PITRM1: variants seen among roughly 807,000 people sequenced by gnomAD.
PITRM1 encodes the protein pitrilysin metallopeptidase 1, also known as presequence protease, mitochondrial.
PITRM1 carries 100 observed loss-of-function variants against 129.9 expected under a neutral mutation model. The ratio of observed to expected loss-of-function variants is 0.77; its 90% confidence interval spans 0.65 to 0.91. The LOEUF is 0.91. Among genes scored for constraint, PITRM1 ranks in the 40% least tolerant of loss-of-function variants. PITRM1 has a pLI of 0.00. For synonymous variants in PITRM1, 591 were observed against 508.8 expected (o/e 1.16, Z -2.17); for missense variants, 1,471 against 1,318.3 (o/e 1.12, Z -1.79).
intron 6 of PITRM1, among the ~76,000 whole-genome samples, chr10:3,164,934 T>G (rs1298472097): frequency 6.6e-6 from 1 of 152,202 alleles, no homozygotes. Flanking sequence ...AAGTACACCG[T>G]GTACTTGGGC....
intron 22 of PITRM1, chr10:3,143,881 C>T (rs1283375498): frequency 5.6e-6 from 3 of 533,100 alleles, no homozygotes; most frequent in Non-Finnish European, 1.1e-5. Context: ...CTCTACTCCA[C>T]AAGGAACCAA....
intron 7 of PITRM1, among the ~76,000 whole-genome samples, chr10:3,162,267 C>G (rs1038166036): frequency 6.6e-6 from 1 of 152,156 alleles, no homozygotes; most frequent in Non-Finnish European, 1.5e-5. Context: ...GCAGCCGGCC[C>G]TGCCTTTTCC....
intron 1 of PITRM1, among the ~76,000 whole-genome samples, chr10:3,171,422 G>A (rs551794505): frequency 4.4e-4 from 67 of 151,724 alleles, no homozygotes; most frequent in Middle Eastern, 3.5e-3. Flanking sequence ...GCAGTTAGGG[G>A]AATCTTCAAC....
chr10:3,159,817 T>C, intron 9 of PITRM1, 31 bp downstream of exon 9: 2 of 1,318,418 alleles, frequency 1.5e-6, no homozygotes, highest in Non-Finnish European at 2.2e-6. Context: ...CATGTTTTTG[T>C]CTTGTATGAG....
intron 15 of PITRM1, among the ~76,000 whole-genome samples, chr10:3,150,251 C>CA (rs34223029): frequency 0.19 from 28,983 of 152,144 alleles, 3,397 homozygotes; most frequent in Non-Finnish European, 0.27. Flanking sequence ...CCCTACCTAG[C>CA]AGAGCACCCT....
chr10:3,141,308 G>C (rs1840173862), intron 23 of PITRM1, among the ~76,000 whole-genome samples: 1 of 152,156 alleles, frequency 6.6e-6, no homozygotes, highest in East Asian at 1.9e-4. Flanking sequence ...AGGGAGAGGT[G>C]GTGGGGAGGG....
intron 23 of PITRM1, among the ~76,000 whole-genome samples, chr10:3,142,426 A>C (rs1438112130): frequency 6.6e-6 from 1 of 152,226 alleles, no homozygotes; most frequent in East Asian, 1.9e-4. Context: ...TCCTTGGTTT[A>C]GTCCCTCATG....
intron 15 of PITRM1, among the ~76,000 whole-genome samples, chr10:3,150,085 C>T (rs553095937): frequency 7.9e-5 from 12 of 152,128 alleles, no homozygotes; most frequent in Admixed American, 7.9e-4. Flanking sequence ...GCCCACATCG[C>T]ACCCGTCCTC....
At chr10:3,161,863 A>G (rs1169593726) in intron 7 of PITRM1, among the ~76,000 whole-genome samples, 3 of 143,128 alleles carry the variant, frequency 2.1e-5, no homozygotes, top group Admixed American at 7.0e-5. Flanking sequence ...AAAAAAAAAA[A>G]AAGAAGAAAA....
intron 4 of PITRM1, 129 bp downstream of exon 4, chr10:3,166,100 G>C (rs1745547533): frequency 1.5e-6 from 1 of 676,762 alleles, no homozygotes; most frequent in South Asian, 2.5e-5. Context: ...CCTTCAACTA[G>C]AGAGAGGTAA....
rs1193665403 is a variant in PITRM1 at position 3,138,005 on chromosome 10, C to T, written c.*26G>A. On this transcript the variant is annotated 3_prime_UTR_variant, in exon 27 of 27. Transcript: ENST00000224949. Reference sequence around the variant, plus strand: ...GCTCGGAGGTGTATTGTCTCGGGCTCCTGTGCAGTCGAGCGCCACGGCTGC... The same window carrying T: ...GCTCGGAGGTGTATTGTCTCGGGCTTCTGTGCAGTCGAGCGCCACGGCTGC... The T allele has an allele frequency of 2.9e-6, 4 of 1,389,672 alleles. No homozygotes were observed. The highest frequency in any genetic ancestry group is 4.7e-5 in the East Asian group (2 of 42,562). The allele number at this position is 1,389,672 out of a possible 1,614,324, so 86.1% of individuals were successfully genotyped here. A position where few individuals can be genotyped will look rare whatever the true frequency, so the allele number is the denominator to read the frequency against.
intron 15 of PITRM1, among the ~76,000 whole-genome samples, chr10:3,150,081 A>G (rs922823106): frequency 5.3e-5 from 8 of 151,430 alleles, no homozygotes; most frequent in African/African-American, 1.9e-4. Context: ...CTGGGCCCAC[A>G]TCGCACCCGT....
intron 13 of PITRM1, among the ~76,000 whole-genome samples, 186 bp downstream of exon 13, chr10:3,156,741 TAAA>T (rs1305763893): frequency 6.6e-6 from 1 of 152,222 alleles, no homozygotes; most frequent in African/African-American, 2.4e-5. Context: ...TACATTTATC[TAAA>T]AAACTCAACT....
rs536579260 is a variant in PITRM1 at position 3,161,718 on chromosome 10, C to T, written c.792-1388G>A. Among the ~76,000 whole-genome samples, 158 of 152,160 alleles carry T rather than the reference C, an allele frequency of 1.0e-3. 1 individual carries two copies. Among genetic ancestry groups the T allele is most frequent in the Middle Eastern group, 0.01 (3 of 292 alleles). On this transcript the variant is annotated intron_variant, in intron 7 of 26. Transcript: ENST00000224949. ...AGAAACCAAAGAAGTTAGACCAAAA[C>T]GGGCCCACAGCTGGGGCAAATGTGG...
chr10:3,158,065 C>A lies in PITRM1; in HGVS notation c.1225G>T (p.Asp409Tyr), dbSNP rs138864546. The change falls in exon 11 of 27, where the codon GAC becomes TAC. Residue 409 changes from aspartate to tyrosine, a missense_variant. Coordinates refer to ENST00000224949, the MANE Select transcript of PITRM1 (RefSeq NM_014889.4). ...KDIETVRSLI[D>Y]RTIDEVVEKG... ...TCAACTACTTCATCAATCGTTCTGTCTATGAGGCTTCTGACGGTCTCAATG... is the reference window on the plus strand; with the variant it reads ...TCAACTACTTCATCAATCGTTCTGTATATGAGGCTTCTGACGGTCTCAATG... 389 of 1,608,092 alleles carry A rather than the reference C, an allele frequency of 2.4e-4. 1 individual carries two copies. In the African/African-American group the frequency reaches 4.5e-3, roughly 19 times the overall value.
At chr10:3,151,191 C>T (rs957130785) in intron 15 of PITRM1, 56 bp downstream of exon 15, 7 of 934,630 alleles carry the variant, frequency 7.5e-6, no homozygotes, top group African/African-American at 4.9e-5. Flanking sequence ...TGAGGAGTGA[C>T]ATTTAATTCC....
chr10:3,163,470 G>A (rs1005462133), intron 7 of PITRM1: 2 of 285,788 alleles, frequency 7.0e-6, no homozygotes, highest in Non-Finnish European at 1.3e-5. Flanking sequence ...CAGGCTGCGG[G>A]GCCAGGACCC....
At position 3,147,635 on chromosome 10, in the gene PITRM1, G is replaced by C. The variant is rs747337908; in HGVS notation, c.2172C>G (p.Ile724Met). 6.2e-7 allele frequency: 1 copy of C among 1,614,022 alleles called. No individual in the cohort carries two copies. The highest frequency in any genetic ancestry group is 8.5e-7 in the Non-Finnish European group (1 of 1,179,878). ...IPDSGHLYAS[I>M]RAGRTLTPAG... Reference sequence around the variant, plus strand: ...CGGGCGTGAGGGTCCGGCCTGCCCTGATGGATGCGTACAGGTGCCCAGAGT... The same window carrying C: ...CGGGCGTGAGGGTCCGGCCTGCCCTCATGGATGCGTACAGGTGCCCAGAGT... Residue 724 changes from isoleucine (I) to methionine (M), a missense_variant, in exon 19 of 27, where the codon ATC becomes ATG. Transcript: ENST00000224949.
At chr10:3,172,163 G>A in intron 1 of PITRM1, 1 of 455,784 alleles carries the variant, frequency 2.2e-6, no homozygotes, top group Non-Finnish European at 4.4e-6. Flanking sequence ...GGCCTGGGCC[G>A]GCAGCGCTGA....
Sources: gnomAD v4.1 joint callset for allele counts (sites outside exome capture counted in the v4.1 genomes callset) on GRCh38, gnomAD v4.1.1 for gene constraint, MANE v1.5 for transcripts, NCBI Gene and HGNC (gene_info 2026-07-23, HGNC 2026-07-21) for gene names.